The following CRYZL1 variants were observed in gnomAD, a reference collection of about 807,000 sequenced individuals.
CRYZL1 encodes ferry endosomal RAB5 effector complex subunit 4.
In CRYZL1, 34 loss-of-function variants were observed where a neutral mutation model predicts 50.6. That is an observed-to-expected ratio of 0.67 (90% confidence interval 0.51 to 0.89). CRYZL1 has a LOEUF of 0.89. CRYZL1 is among the 40% of genes least tolerant of loss of function. CRYZL1 has a pLI of 0.00. For missense variants in CRYZL1, 354 were observed against 402.3 expected (o/e 0.88, Z 1.03); for synonymous variants, 125 against 134.3 (o/e 0.93, Z 0.48).
intron 3 of CRYZL1, among the ~76,000 whole-genome samples, chr21:33,623,100 G>A (rs2087021414): frequency 2.0e-5 from 3 of 151,702 alleles, no homozygotes; most frequent in Non-Finnish European, 4.4e-5. Context: ...TGAGTAGATG[G>A]GACTACAGGC....
At chr21:33,622,446 T>A (rs2087013694) in intron 3 of CRYZL1, among the ~76,000 whole-genome samples, 1 of 152,144 alleles carries the variant, frequency 6.6e-6, no homozygotes, top group East Asian at 1.9e-4. Context: ...AGAAGACTGT[T>A]GAATAAGGGG....
intron 2 of CRYZL1, among the ~76,000 whole-genome samples, chr21:33,626,029 C>T (rs909241946): frequency 1.4e-4 from 21 of 151,748 alleles, no homozygotes; most frequent in African/African-American, 4.6e-4. Context: ...TCTCAGCTCA[C>T]TGCAACCTCT....
chr21:33,593,546 C>T (rs2086663641), intron 11 of CRYZL1, among the ~76,000 whole-genome samples: 1 of 152,188 alleles, frequency 6.6e-6, no homozygotes, highest in South Asian at 2.1e-4. Flanking sequence ...TACAGTATTT[C>T]ATATACACAT....
intron 6 of CRYZL1, 108 bp downstream of exon 6, chr21:33,613,430 T>A (rs2086893903): frequency 1.7e-5 from 12 of 718,208 alleles, no homozygotes; most frequent in Non-Finnish European, 2.6e-5. Context: ...AATGATACTT[T>A]ATTAAGTACA....
chr21:33,616,759 T>C lies in CRYZL1; in HGVS notation c.218-9A>G. 6.3e-7 allele frequency: 1 copy of C among 1,591,416 alleles called. No homozygotes were observed. The highest frequency in any genetic ancestry group is 2.3e-5 in the East Asian group (1 of 44,376). On this transcript the variant is annotated splice_polypyrimidine_tract_variant and intron_variant, in intron 4 of 12. Transcript: ENST00000381554. ...TGATACCTTGCTTCCAACTAAAGAG[T>C]GAAGAAAATTAATAGTTAATATTAC...
intron 1 of CRYZL1, among the ~76,000 whole-genome samples, chr21:33,632,743 G>A (rs892755007): frequency 6.6e-6 from 1 of 152,164 alleles, no homozygotes; most frequent in Admixed American, 6.6e-5. Context: ...GAGTAATTAT[G>A]TGGTAAGACT....
chr21:33,628,603 C>CTTTT (rs35970580), intron 2 of CRYZL1, among the ~76,000 whole-genome samples: 1 of 120,394 alleles, frequency 8.3e-6, no homozygotes. Flanking sequence ...TAATTTCTTT[C>CTTTT]TTTTTTTTTT....
intron 2 of CRYZL1, 21 bp downstream of exon 2, chr21:33,631,465 T>A (rs375567600): frequency 6.8e-7 from 1 of 1,475,044 alleles, no homozygotes; most frequent in African/African-American, 1.5e-5. Context: ...ACTACTTTAA[T>A]GATTAAACAT....
intron 2 of CRYZL1, among the ~76,000 whole-genome samples, chr21:33,626,883 G>C (rs1174560593): frequency 6.6e-6 from 1 of 152,070 alleles, no homozygotes; most frequent in East Asian, 1.9e-4. Context: ...AGCTAGCCAA[G>C]AATAGCCACT....
chr21:33,625,641 AC>A (rs971539940), intron 2 of CRYZL1, among the ~76,000 whole-genome samples: 10 of 149,222 alleles, frequency 6.7e-5, no homozygotes, highest in African/African-American at 9.9e-5. Flanking sequence ...GCACCACCAC[AC>A]CCAGCTGATT....
chr21:33,597,146 A>T, intron 10 of CRYZL1, 134 bp downstream of exon 10: 1 of 823,852 alleles, frequency 1.2e-6, no homozygotes, highest in Non-Finnish European at 2.0e-6. Flanking sequence ...CTGGACTCAT[A>T]GGTGTGAGCC....
chr21:33,599,827 G>A (rs150644398), intron 8 of CRYZL1, among the ~76,000 whole-genome samples: 11 of 151,810 alleles, frequency 7.2e-5, no homozygotes, highest in African/African-American at 2.7e-4. Flanking sequence ...TAGGGAGAGG[G>A]TCTTGCTATG....
intron 1 of CRYZL1, among the ~76,000 whole-genome samples, chr21:33,634,415 A>C (rs895823092): frequency 6.6e-6 from 1 of 152,142 alleles, no homozygotes; most frequent in Non-Finnish European, 1.5e-5. Flanking sequence ...AGAATGCTGT[A>C]ATTTAGATTC....
intron 1 of CRYZL1, among the ~76,000 whole-genome samples, chr21:33,640,390 C>T (rs2087266160): frequency 6.6e-6 from 1 of 151,786 alleles, no homozygotes; most frequent in African/African-American, 2.4e-5. Flanking sequence ...ATTTAGAAGT[C>T]ATAACTGACC....
rs1491462371 is a variant in CRYZL1 at position 33,637,788 on chromosome 21, T to TATATATATATACAC, written c.-7+3892_-7+3893insGTGTATATATATAT. ...ATATATATATATATATATATATATA[T>TATATATATATACAC]ACACACACACACACATATAAACAGC... is the stretch of plus-strand genomic sequence containing the variant. On this transcript the variant is annotated intron_variant, in intron 1 of 12. Coordinates refer to ENST00000381554, the MANE Select transcript of CRYZL1 (RefSeq NM_145858.3). 2.6e-5 allele frequency among the ~76,000 whole-genome samples: 3 copies of TATATATATATACAC among 117,220 alleles called. No homozygotes were observed. The East Asian group carries it at 8.3e-4, about 32-fold the overall frequency. 76.9% of individuals were successfully genotyped at this position (117,220 alleles called of 152,430 possible). A position where few individuals can be genotyped will look rare whatever the true frequency, so the allele number is the denominator to read the frequency against.
chr21:33,617,669 C>T (rs1184580890), intron 4 of CRYZL1, among the ~76,000 whole-genome samples: 1 of 151,844 alleles, frequency 6.6e-6, no homozygotes, highest in Non-Finnish European at 1.5e-5. Flanking sequence ...GTAGGGGGTA[C>T]GTGATCGGGG....
intron 11 of CRYZL1, chr21:33,591,555 A>C (rs2086642546): frequency 3.3e-6 from 1 of 302,558 alleles, no homozygotes; most frequent in Non-Finnish European, 6.2e-6. Context: ...TTTTTAGTTA[A>C]AAACAATTTT....
At chr21:33,602,458 T>G (rs2086766914) in intron 7 of CRYZL1, 113 bp from the exon 8 acceptor site, 1 of 460,304 alleles carries the variant, frequency 2.2e-6, no homozygotes, top group Admixed American at 3.8e-5. Context: ...CTTTAGTATA[T>G]TTTAAAATGT....
chr21:33,638,066 A>G (rs1293546587), intron 1 of CRYZL1, among the ~76,000 whole-genome samples: 1 of 152,136 alleles, frequency 6.6e-6, no homozygotes, highest in Non-Finnish European at 1.5e-5. Flanking sequence ...CTTTTTGTAC[A>G]TATTCACACA....
Sources: allele counts gnomAD v4.1 joint callset (sites outside exome capture counted in the v4.1 genomes callset), GRCh38; gene constraint gnomAD v4.1.1; transcripts MANE v1.5; gene names NCBI Gene and HGNC (gene_info 2026-07-23, HGNC 2026-07-21).